PDE1C: variants seen among roughly 807,000 people sequenced by gnomAD.
The protein encoded by PDE1C is phosphodiesterase 1C, also known as dual specificity calcium/calmodulin-dependent 3',5'-cyclic nucleotide phosphodiesterase 1C.
In PDE1C, 62 loss-of-function variants were observed where a neutral mutation model predicts 93.1. The ratio of observed to expected loss-of-function variants is 0.67; its 90% CI spans 0.54 to 0.82. PDE1C has a LOEUF of 0.82. PDE1C is among the 40% of genes least tolerant of loss of function. PDE1C has a pLI of 0.00. For missense variants in PDE1C, 742 were observed against 884.6 expected, an observed-to-expected ratio of 0.84 and a Z score of 2.04; for synonymous variants, 325 against 310.1, an observed-to-expected ratio of 1.05 and a Z score of -0.50.
At chr7:31,639,939 GATC>G in the PDE1C span, among the ~76,000 whole-genome samples, 2 of 152,032 alleles carry the variant, frequency 1.3e-5, no homozygotes, top group Non-Finnish European at 2.9e-5. Flanking sequence ...CCTCATAATG[GATC>G]ATATGTTCCT....
At position 31,911,974 on chromosome 7, in the gene PDE1C, A is replaced by T. The variant is rs559812021; in HGVS notation, c.129-31114T>A. On this transcript the variant is annotated intron_variant, in intron 2 of 17. Coordinates refer to ENST00000396191, the MANE Select transcript of PDE1C (RefSeq NM_001191057.4). The stretch of plus-strand genomic sequence containing the variant: ...CCCATAGCTTTCTATCCAAAGCATT[A>T]CAGGAGCTTTCATATTCTCTGTTGT... Among the ~76,000 whole-genome samples the T allele has an allele frequency of 3.2e-4, 49 of 152,300 alleles. No homozygotes were observed. In the South Asian group the frequency reaches 0.01, roughly 32 times the overall value.
intron 1 of PDE1C, among the ~76,000 whole-genome samples, chr7:32,336,829 C>T (rs571566614): frequency 2.0e-4 from 31 of 152,256 alleles, no homozygotes; most frequent in African/African-American, 7.5e-4. Flanking sequence ...AAAGAGAATT[C>T]CCTAGAGGCA....
chr7:32,312,167 A>G (rs1181268887), intron 1 of PDE1C, among the ~76,000 whole-genome samples: 2 of 152,186 alleles, frequency 1.3e-5, no homozygotes, highest in Non-Finnish European at 2.9e-5. Context: ...TGCTTCAAAG[A>G]GAATAAAATA....
chr7:32,364,246 A>C (rs1054291380), intron 1 of PDE1C, among the ~76,000 whole-genome samples: 1 of 152,174 alleles, frequency 6.6e-6, no homozygotes, highest in Non-Finnish European at 1.5e-5. Context: ...ATTTAAATTC[A>C]TTTTTTTAAG....
intron 2 of PDE1C, among the ~76,000 whole-genome samples, chr7:32,188,521 G>A (rs1345629129): frequency 6.6e-6 from 1 of 151,982 alleles, no homozygotes. Context: ...ATTTCAGTGA[G>A]GATTTTATTT....
At chr7:32,075,966 C>T (rs1017258649), upstream of PDE1C, among the ~76,000 whole-genome samples, 3 of 152,162 alleles carry the variant, frequency 2.0e-5, no homozygotes, top group South Asian at 6.2e-4. Flanking sequence ...GCTCAGGGAC[C>T]TCTGGATCCC....
chr7:31,820,457 A>G (rs1039303953), intron 14 of PDE1C: 1 of 152,140 alleles, frequency 6.6e-6, no homozygotes, highest in Non-Finnish European at 1.5e-5. Context: ...TTAGTTGGCA[A>G]TAGTGATTTT....
intron 16 of PDE1C, chr7:31,789,273 T>G (rs2128656439): frequency 6.6e-6 from 1 of 152,324 alleles, no homozygotes; most frequent in South Asian, 2.1e-4. Context: ...ACATCTACTA[T>G]TCTTATTTTT....
intron 13 of PDE1C, among the ~76,000 whole-genome samples, chr7:31,823,677 C>G (rs1789290704): frequency 6.6e-6 from 1 of 152,076 alleles, no homozygotes; most frequent in Non-Finnish European, 1.5e-5. Context: ...TCCAGCTCTA[C>G]CATTCCCCTG....
At chr7:32,044,860 T>C (rs1792307412) in intron 2 of PDE1C, among the ~76,000 whole-genome samples, 1 of 151,998 alleles carries the variant, frequency 6.6e-6, no homozygotes, top group Non-Finnish European at 1.5e-5. Context: ...GCCTAGATGA[T>C]CCTCTTGACT....
chr7:31,911,657 C>T (rs1801263988), intron 2 of PDE1C, among the ~76,000 whole-genome samples: 1 of 152,174 alleles, frequency 6.6e-6, no homozygotes, highest in Admixed American at 6.6e-5. Context: ...AAGTCATTCC[C>T]ATTTACTATA....
At chr7:32,055,687 G>C (rs1055611250) in intron 1 of PDE1C, among the ~76,000 whole-genome samples, 2 of 152,146 alleles carry the variant, frequency 1.3e-5, no homozygotes, top group African/African-American at 2.4e-5. Flanking sequence ...CAGAATCCCT[G>C]ACTCGCAATC....
At chr7:32,202,541 T>A (rs921004983) in intron 2 of PDE1C, among the ~76,000 whole-genome samples, 1 of 152,186 alleles carries the variant, frequency 6.6e-6, no homozygotes, top group African/African-American at 2.4e-5. Flanking sequence ...CAAATCCCAA[T>A]GAATACATCT....
In PDE1C at chr7:31,837,863, C is replaced by A; in HGVS notation, c.1082+7G>T. 2 of 1,596,670 alleles carry A rather than the reference C, an allele frequency of 1.3e-6. No individual in the cohort carries two copies. Among genetic ancestry groups the A allele is most frequent in the Non-Finnish European group, 1.7e-6 (2 of 1,164,142 alleles). On this transcript the variant is annotated splice_region_variant and intron_variant, in intron 10 of 17. Coordinates refer to ENST00000396191, the MANE Select transcript of PDE1C (RefSeq NM_001191057.4). ...CAAACAAAAACACAAGCCACAAGCA[C>A]ACTTACGCTTCTGGCTGCTGCAGAG...
chr7:32,413,068 C>G (rs6975110), intron 1 of PDE1C, among the ~76,000 whole-genome samples: 27,188 of 152,086 alleles, frequency 0.18, 5,209 homozygotes, highest in African/African-American at 0.48. Flanking sequence ...CTCAGCAAAT[C>G]TACCCTTAAG....
the PDE1C span, among the ~76,000 whole-genome samples, chr7:31,736,945 T>C: frequency 6.6e-6 from 1 of 151,908 alleles, no homozygotes; most frequent in African/African-American, 2.4e-5. Context: ...TAATTCTTTT[T>C]TTCCCCCTTT....
intron 2 of PDE1C, among the ~76,000 whole-genome samples, chr7:31,966,508 T>C (rs1224921537): frequency 2.0e-5 from 3 of 150,472 alleles, no homozygotes; most frequent in East Asian, 1.9e-4. Flanking sequence ...ACAATAATAA[T>C]GGGAGACTTT....
At chr7:32,323,369 T>G (rs1047793204) in intron 1 of PDE1C, among the ~76,000 whole-genome samples, 2 of 152,162 alleles carry the variant, frequency 1.3e-5, no homozygotes, top group Non-Finnish European at 2.9e-5. Flanking sequence ...ATTGTATGTC[T>G]TGAGACATAC....
At chr7:31,738,332 A>G in the PDE1C span, among the ~76,000 whole-genome samples, 3 of 152,266 alleles carry the variant, frequency 2.0e-5, no homozygotes, top group Admixed American at 6.5e-5. Flanking sequence ...AGGCCTCACA[A>G]TCATGGCGGT....
Sources: allele counts gnomAD v4.1 joint callset (sites outside exome capture counted in the v4.1 genomes callset), GRCh38; gene constraint gnomAD v4.1.1; transcripts MANE v1.5; gene names NCBI Gene and HGNC (gene_info 2026-07-23, HGNC 2026-07-21).